Variants in NAALADL2 observed in about 807,000 individuals in gnomAD.
The protein encoded by NAALADL2 is inactive N-acetylated-alpha-linked acidic dipeptidase-like protein 2.
Under a neutral mutation model 87.2 loss-of-function variants are expected in NAALADL2, and 76 were observed. The ratio of observed to expected loss-of-function variants is 0.87; its 90% CI spans 0.72 to 1.05. NAALADL2 has a LOEUF of 1.05. Among genes scored for constraint, NAALADL2 ranks in the 50% least tolerant of loss-of-function variants. The probability of loss-of-function intolerance (pLI) is 0.00; values close to 1 mark genes in which losing one functional copy is unlikely to be tolerated. For missense variants in NAALADL2, 1,089 were observed against 945.8 expected, an observed-to-expected ratio of 1.15 and a Z score of -1.99; for synonymous variants, 354 against 331.0, an observed-to-expected ratio of 1.07 and a Z score of -0.75.
chr3:175,677,843 C>A (rs1735033031), intron 11 of NAALADL2, among the ~76,000 whole-genome samples: 1 of 152,130 alleles, frequency 6.6e-6, no homozygotes, highest in Admixed American at 6.5e-5. Flanking sequence ...ATAGTTCAAG[C>A]AAACATTATC....
At chr3:175,523,018 G>A (rs1044944569) in intron 9 of NAALADL2, among the ~76,000 whole-genome samples, 2 of 152,118 alleles carry the variant, frequency 1.3e-5, no homozygotes, top group African/African-American at 4.8e-5. Flanking sequence ...GAATCCATGA[G>A]CCCTGAAAAT....
At chr3:175,385,179 T>C (rs1203586170) in intron 5 of NAALADL2, among the ~76,000 whole-genome samples, 1 of 152,050 alleles carries the variant, frequency 6.6e-6, no homozygotes, top group African/African-American at 2.4e-5. Context: ...GAAGGCCCAA[T>C]GCATCAATTT....
intron 1 of NAALADL2, among the ~76,000 whole-genome samples, chr3:174,967,468 C>G (rs1481074398): frequency 2.6e-5 from 4 of 151,996 alleles, no homozygotes; most frequent in African/African-American, 7.2e-5. Context: ...GCTCCTGTCT[C>G]AAGAGGTACA....
chr3:175,557,020 A>G (rs75937133), intron 9 of NAALADL2, among the ~76,000 whole-genome samples: 2,305 of 152,316 alleles, frequency 0.015, 54 homozygotes, highest in African/African-American at 0.05. Context: ...TTTTGAAAGT[A>G]TTCATGGAAA....
intron 11 of NAALADL2, among the ~76,000 whole-genome samples, chr3:175,729,777 T>TTG (rs1210623577): frequency 5.0e-5 from 7 of 139,948 alleles, no homozygotes; most frequent in Non-Finnish European, 1.1e-4. Context: ...GGTTTTTTTT[T>TTG]TTTTTTTCAC....
At chr3:175,419,270 G>A (rs185318723) in intron 5 of NAALADL2, among the ~76,000 whole-genome samples, 249 of 151,664 alleles carry the variant, frequency 1.6e-3, no homozygotes, top group African/African-American at 5.7e-3. Flanking sequence ...AATTGAATTA[G>A]GTTTAACCTG....
At chr3:175,346,744 C>G (rs1300223814) in intron 5 of NAALADL2, among the ~76,000 whole-genome samples, 1 of 152,126 alleles carries the variant, frequency 6.6e-6, no homozygotes, top group Non-Finnish European at 1.5e-5. Flanking sequence ...GATAAAGAAA[C>G]TGAGGTCGAG....
At chr3:174,787,621 A>ATATAT (rs1578931205) in intron 3 of NAALADL2, among the ~76,000 whole-genome samples, 2 of 109,242 alleles carry the variant, frequency 1.8e-5, no homozygotes, top group Admixed American at 1.0e-4. Flanking sequence ...ATATATATAT[A>ATATAT]GTAGTGACTC....
chr3:175,221,484 G>A (rs761417245), intron 2 of NAALADL2, among the ~76,000 whole-genome samples: 12 of 151,930 alleles, frequency 7.9e-5, no homozygotes, highest in African/African-American at 2.7e-4. Context: ...CAAATTGGTC[G>A]ACTCATCTAT....
At chr3:175,563,425 G>A (rs910656199) in intron 9 of NAALADL2, among the ~76,000 whole-genome samples, 1 of 152,142 alleles carries the variant, frequency 6.6e-6, no homozygotes, top group Non-Finnish European at 1.5e-5. Context: ...GAATTGTTAT[G>A]ATTCATAAAA....
At chr3:174,441,439 G>A (rs1034465233) in intron 1 of NAALADL2, among the ~76,000 whole-genome samples, 1 of 152,178 alleles carries the variant, frequency 6.6e-6, no homozygotes, top group African/African-American at 2.4e-5. Flanking sequence ...ACGCCGGCCA[G>A]GCAGCCCGAC....
At chr3:175,170,768 G>C (rs147880338) in intron 2 of NAALADL2, among the ~76,000 whole-genome samples, 12 of 151,550 alleles carry the variant, frequency 7.9e-5, no homozygotes, top group African/African-American at 2.9e-4. Flanking sequence ...AACCCTTAAC[G>C]TGATGTTGCC....
chr3:175,709,089 C>A lies in NAALADL2; in HGVS notation c.1897-28217C>A, dbSNP rs115708822. Among the ~76,000 whole-genome samples, 193 of 152,128 alleles carry A rather than the reference C, an allele frequency of 1.3e-3. 2 individuals are homozygous for A. The highest frequency in any genetic ancestry group is 4.3e-3 in the African/African-American group (177 of 41,524). On this transcript the variant is annotated intron_variant, in intron 11 of 13. Transcript: ENST00000454872. ...ATTCAAGGGGACTCTATCAAGGTAT[C>A]AAGATCTCCACCAGTTCTACAGGGG...
At chr3:174,842,587 A>G (rs958539617) in intron 3 of NAALADL2, among the ~76,000 whole-genome samples, 1 of 152,124 alleles carries the variant, frequency 6.6e-6, no homozygotes, top group African/African-American at 2.4e-5. Flanking sequence ...TAATTACAAG[A>G]TTGTATTTAA....
At chr3:175,151,278 T>A (rs1731503085) in intron 2 of NAALADL2, among the ~76,000 whole-genome samples, 1 of 152,122 alleles carries the variant, frequency 6.6e-6, no homozygotes, top group Non-Finnish European at 1.5e-5. Context: ...GAAGCCAGGA[T>A]GAGTTGTCAA....
chr3:175,166,838 T>C (rs1052225769), intron 2 of NAALADL2, among the ~76,000 whole-genome samples: 1 of 152,094 alleles, frequency 6.6e-6, no homozygotes, highest in Admixed American at 6.6e-5. Context: ...AAGGAACTCT[T>C]GAATTTCCCC....
chr3:175,116,673 G>A (rs566818167), intron 2 of NAALADL2, among the ~76,000 whole-genome samples: 9 of 151,934 alleles, frequency 5.9e-5, no homozygotes, highest in Non-Finnish European at 1.3e-4. Context: ...GTAATTTATG[G>A]ATTCAATGCC....
chr3:175,056,858 C>A (rs1344590493), intron 1 of NAALADL2, among the ~76,000 whole-genome samples: 1 of 152,146 alleles, frequency 6.6e-6, no homozygotes, highest in Admixed American at 6.5e-5. Context: ...AGTTTTCCAC[C>A]CTGGGTGGGC....
At chr3:175,774,207 C>A (rs1409324299) in intron 13 of NAALADL2, among the ~76,000 whole-genome samples, 1 of 152,050 alleles carries the variant, frequency 6.6e-6, no homozygotes, top group Non-Finnish European at 1.5e-5. Flanking sequence ...GGGAGGACAT[C>A]TTCAAGTTCT....
Sources: allele counts gnomAD v4.1 joint callset (sites outside exome capture counted in the v4.1 genomes callset), GRCh38; gene constraint gnomAD v4.1.1; transcripts MANE v1.5; gene names NCBI Gene and HGNC (gene_info 2026-07-23, HGNC 2026-07-21).